Variants in NKAIN3 observed in about 807,000 individuals in gnomAD.
NKAIN3 encodes sodium/potassium transporting ATPase interacting 3.
In NKAIN3, 25 loss-of-function variants were observed where a neutral mutation model predicts 30.2. The ratio of observed to expected loss-of-function variants is 0.83; its 90% confidence interval spans 0.60 to 1.16. The LOEUF (loss-of-function observed/expected upper bound fraction) is 1.16. NKAIN3 is among the 50% of genes most tolerant of loss of function. The pLI, the probability that NKAIN3 is intolerant of heterozygous loss-of-function variation, is 0.00. For synonymous variants in NKAIN3, 91 were observed against 89.6 expected, an observed-to-expected ratio of 1.02 and a Z score of -0.09; for missense variants, 225 against 254.1, an observed-to-expected ratio of 0.89 and a Z score of 0.78.
intron 1 of NKAIN3, among the ~76,000 whole-genome samples, chr8:62,255,783 A>G (rs945443083): frequency 6.6e-6 from 1 of 152,204 alleles, no homozygotes; most frequent in Non-Finnish European, 1.5e-5. Context: ...ACTCCTGGAC[A>G]GTGCTGCCCT....
chr8:62,599,882 G>A (rs911511733), intron 3 of NKAIN3, among the ~76,000 whole-genome samples: 2 of 151,942 alleles, frequency 1.3e-5, no homozygotes, highest in South Asian at 2.1e-4. Context: ...CACACTTTAA[G>A]ATCATCAAGG....
At chr8:62,859,141 C>T (rs1160472106) in intron 4 of NKAIN3, among the ~76,000 whole-genome samples, 2 of 152,144 alleles carry the variant, frequency 1.3e-5, no homozygotes, top group Admixed American at 6.5e-5. Context: ...TTCCCAGGGT[C>T]GCACAATCAC....
chr8:62,349,801 T>A lies in NKAIN3; in HGVS notation c.54+100674T>A, dbSNP rs560913685. On this transcript the variant is annotated intron_variant, in intron 1 of 6. Transcript: ENST00000623646. ...TTGAATTCTTCCCAGTCTCAAAGAG[T>A]GAAGGTAGATATATCAGACCTTCTC... 2.6e-5 allele frequency among the ~76,000 whole-genome samples: 4 copies of A among 152,236 alleles called. No individual in the cohort carries two copies. In the South Asian group the frequency reaches 8.3e-4, roughly 32 times the overall value.
chr8:62,772,175 T>G (rs28871123), intron 4 of NKAIN3, among the ~76,000 whole-genome samples: 1 of 152,216 alleles, frequency 6.6e-6, no homozygotes, highest in South Asian at 2.1e-4. Context: ...TGTCTTCCTG[T>G]GCCTGGCTTG....
rs571808946 is a variant in NKAIN3, at chr8:62,310,289, A to C, written c.54+61162A>C. On this transcript the variant is annotated intron_variant, in intron 1 of 6. Transcript: ENST00000623646. ...TTATTACTATAGAAATGAAAGCCAA[A>C]TTTTGCCTGTTTTTTGAAAGTATTG... is the stretch of plus-strand genomic sequence containing the variant. 4.0e-5 allele frequency among the ~76,000 whole-genome samples: 6 copies of C among 150,632 alleles called. No homozygotes were observed. The South Asian group carries it at 8.3e-4, about 21-fold the overall frequency.
intron 4 of NKAIN3, among the ~76,000 whole-genome samples, chr8:62,784,433 A>G (rs750371349): frequency 6.6e-6 from 1 of 152,012 alleles, no homozygotes. Flanking sequence ...TGAAAATCAG[A>G]AATGAAAGAA....
At chr8:62,912,445 A>G (rs1461597551) in intron 4 of NKAIN3, among the ~76,000 whole-genome samples, 2 of 152,140 alleles carry the variant, frequency 1.3e-5, no homozygotes, top group South Asian at 2.1e-4. Context: ...TTACTGTAAC[A>G]TTTTTACTTT....
At chr8:62,465,003 CA>C (rs1271543569) in intron 1 of NKAIN3, among the ~76,000 whole-genome samples, 2 of 152,108 alleles carry the variant, frequency 1.3e-5, no homozygotes, top group African/African-American at 4.8e-5. Flanking sequence ...TCCTAAGTGA[CA>C]TTTTGCCTAT....
At chr8:62,670,965 A>G (rs1813283388) in intron 3 of NKAIN3, among the ~76,000 whole-genome samples, 1 of 151,978 alleles carries the variant, frequency 6.6e-6, no homozygotes. Flanking sequence ...CCAGTCCTCA[A>G]AAATTGAACA....
intron 4 of NKAIN3, among the ~76,000 whole-genome samples, chr8:62,814,901 T>C (rs902511433): frequency 1.3e-5 from 2 of 151,650 alleles, no homozygotes; most frequent in Non-Finnish European, 2.9e-5. Flanking sequence ...CAGAAGGAAA[T>C]AGAGACACAA....
intron 3 of NKAIN3, among the ~76,000 whole-genome samples, chr8:62,674,233 G>A (rs1813402706): frequency 6.6e-6 from 1 of 152,146 alleles, no homozygotes; most frequent in African/African-American, 2.4e-5. Flanking sequence ...TCGGACTCTT[G>A]TGGCCTGGGC....
intron 1 of NKAIN3, among the ~76,000 whole-genome samples, chr8:62,498,990 A>G (rs566603868): frequency 6.6e-6 from 1 of 152,272 alleles, no homozygotes; most frequent in East Asian, 1.9e-4. Flanking sequence ...CTTCTGTGTA[A>G]GTTGATTCCA....
At chr8:62,829,414 A>G (rs755393304) in intron 4 of NKAIN3, among the ~76,000 whole-genome samples, 4 of 152,092 alleles carry the variant, frequency 2.6e-5, no homozygotes, top group Non-Finnish European at 5.9e-5. Context: ...GGATGATGTC[A>G]CACGTCACTA....
chr8:62,309,652 C>T (rs1466607918), intron 1 of NKAIN3, among the ~76,000 whole-genome samples: 1 of 149,944 alleles, frequency 6.7e-6, no homozygotes, highest in Non-Finnish European at 1.5e-5. Flanking sequence ...GATTTCAGAC[C>T]CATCTAGTGT....
intron 3 of NKAIN3, among the ~76,000 whole-genome samples, chr8:62,719,246 C>A (rs920041065): frequency 1.3e-5 from 2 of 152,114 alleles, no homozygotes; most frequent in African/African-American, 4.8e-5. Context: ...TTAACAAGAA[C>A]AATAGACAAA....
At chr8:62,936,982 G>A (rs1286756567) in intron 5 of NKAIN3, among the ~76,000 whole-genome samples, 1 of 151,854 alleles carries the variant, frequency 6.6e-6, no homozygotes, top group African/African-American at 2.4e-5. Context: ...GTCCCATGAA[G>A]ATATTCTTCT....
At chr8:62,802,376 T>C (rs535230779) in intron 4 of NKAIN3, among the ~76,000 whole-genome samples, 2 of 152,296 alleles carry the variant, frequency 1.3e-5, no homozygotes, top group Non-Finnish European at 2.9e-5. Context: ...AGAGAAAGGT[T>C]GGGTTACCCA....
intron 1 of NKAIN3, among the ~76,000 whole-genome samples, chr8:62,547,813 A>G (rs1417925514): frequency 1.3e-5 from 2 of 152,180 alleles, no homozygotes; most frequent in Non-Finnish European, 2.9e-5. Flanking sequence ...GTGGCATGCT[A>G]TGGAGATGAA....
intron 4 of NKAIN3, among the ~76,000 whole-genome samples, chr8:62,778,276 C>T (rs914245288): frequency 6.6e-5 from 10 of 152,098 alleles, no homozygotes; most frequent in Non-Finnish European, 2.9e-5. Context: ...GGTTTATGTC[C>T]TTCCCTTTAA....
Sources: allele counts gnomAD v4.1 joint callset (sites outside exome capture counted in the v4.1 genomes callset), GRCh38; gene constraint gnomAD v4.1.1; transcripts MANE v1.5; gene names NCBI Gene and HGNC (gene_info 2026-07-23, HGNC 2026-07-21).